The following ABCC11 variants were observed in gnomAD, a reference collection of about 807,000 sequenced individuals.
ABCC11 encodes the protein ATP-binding cassette sub-family C member 11.
A neutral mutation model predicts 149.3 loss-of-function variants in ABCC11; 135 were observed. The ratio of observed to expected loss-of-function variants is 0.90; its 90% CI spans 0.79 to 1.04. The LOEUF is 1.04. Ranked by LOEUF, ABCC11 falls within the 50% of genes least tolerant of loss-of-function variation. The pLI is 0.00. For synonymous variants in ABCC11, 665 were observed against 671.4 expected, an observed-to-expected ratio of 0.99 and a Z score of 0.15; for missense variants, 1,680 against 1,722.1, an observed-to-expected ratio of 0.98 and a Z score of 0.43.
At chr16:48,206,935 G>A (rs571445454) in intron 12 of ABCC11, among the ~76,000 whole-genome samples, 1 of 152,344 alleles carries the variant, frequency 6.6e-6, no homozygotes, top group Non-Finnish European at 1.5e-5. Flanking sequence ...AAGTACTGAA[G>A]CTAGTTTTAC....
At chr16:48,172,139 A>C (rs1011244628) in intron 26 of ABCC11, among the ~76,000 whole-genome samples, 1 of 152,172 alleles carries the variant, frequency 6.6e-6, no homozygotes, top group Non-Finnish European at 1.5e-5. Context: ...CTCATGTAGT[A>C]TGTGTCCTTC....
intron 23 of ABCC11, among the ~76,000 whole-genome samples, chr16:48,180,040 CATCCCTCAGTGT>C (rs1346137434): frequency 6.6e-6 from 1 of 152,186 alleles, no homozygotes; most frequent in Non-Finnish European, 1.5e-5. Context: ...CTTTTCCTCC[CATCCCTCAGTGT>C]ATCACACCCT....
chr16:48,175,179 C>T, intron 26 of ABCC11, 79 bp downstream of exon 26: 1 of 1,524,012 alleles, frequency 6.6e-7, no homozygotes, highest in Non-Finnish European at 8.9e-7. Flanking sequence ...TGGTCACCAG[C>T]TCACTATAGG....
At chr16:48,232,725 G>GTGC (rs1312795713) in intron 1 of ABCC11, among the ~76,000 whole-genome samples, 1 of 152,228 alleles carries the variant, frequency 6.6e-6, no homozygotes, top group Non-Finnish European at 1.5e-5. Flanking sequence ...GGTGCAGCCT[G>GTGC]TGCCCCCCAG....
Position 48,216,236 on chromosome 16 carries a change from A to G in ABCC11, c.829T>C (p.Tyr277His). The change falls in exon 7 of 30, where the codon TAT (tyrosine) becomes CAT (histidine). Residue 277 changes from tyrosine to histidine, a missense_variant. Coordinates refer to ENST00000356608, the MANE Select transcript of ABCC11 (RefSeq NM_001370497.1). ...DVNYLFEGVC[Y>H]GPLVLITCAS... ...CAGGTGATCAGTACTAGGGGTCCAT[A>G]GCACACCCCTTCAAACAGGTAGTTT... 3.7e-6 allele frequency: 6 copies of G among 1,614,096 alleles called. No homozygotes were observed. Among genetic ancestry groups the G allele is most frequent in the Non-Finnish European group, 5.1e-6 (6 of 1,179,970 alleles).
At chr16:48,245,692 T>TA (rs1436571726) in intron 1 of ABCC11, among the ~76,000 whole-genome samples, 1 of 152,256 alleles carries the variant, frequency 6.6e-6, no homozygotes, top group Non-Finnish European at 1.5e-5. Context: ...TTTTGATTAA[T>TA]ACATTTTATA....
chr16:48,169,302 AATCTC>A (rs1197913306), intron 28 of ABCC11, among the ~76,000 whole-genome samples: 62 of 152,180 alleles, frequency 4.1e-4, no homozygotes, highest in African/African-American at 1.4e-3. Flanking sequence ...CTAGGCTGTG[AATCTC>A]ATCTACCATG....
Position 48,175,262 on chromosome 16 carries a change from T to C in ABCC11, c.3694A>G (p.Ile1232Val), listed in dbSNP as rs1168617506. ...PQDPVLLSGT[I>V]RFNLDPFDRH... ...GCCTGCTGGCCCGGCACTCACCTGA[T>C]GGTTCCTGAGAGCAGCACTGGATCT... Residue 1232 changes from isoleucine (I) to valine (V), a missense_variant, in exon 26 of 30, where the codon ATC becomes GTC. By Grantham distance (29) the Ile-to-Val change is conservative (BLOSUM62 3). Transcript: ENST00000356608. 3.1e-6 allele frequency: 5 copies of C among 1,609,008 alleles called. No homozygotes were observed. The highest frequency in any genetic ancestry group is 1.7e-5 in the Admixed American group (1 of 59,912).
chr16:48,198,090 G>C, intron 16 of ABCC11, 23 bp from the exon 17 acceptor site: 1 of 1,614,162 alleles, frequency 6.2e-7, no homozygotes, highest in African/African-American at 1.3e-5. Flanking sequence ...CACAGGCCCT[G>C]AGTACACGTG....
intron 11 of ABCC11, chr16:48,210,021 T>C (rs1247252567): frequency 6.6e-6 from 1 of 151,612 alleles, no homozygotes; most frequent in Non-Finnish European, 1.5e-5. Context: ...GGGGCAGATG[T>C]GGAAGTCAAG....
At chr16:48,207,356 T>C (rs1019647747) in intron 12 of ABCC11, among the ~76,000 whole-genome samples, 6 of 151,952 alleles carry the variant, frequency 3.9e-5, no homozygotes, top group South Asian at 2.1e-4. Flanking sequence ...GGGGAATGGG[T>C]TTGGGGTTTT....
intron 1 of ABCC11, among the ~76,000 whole-genome samples, chr16:48,245,177 T>C (rs1056218048): frequency 6.6e-6 from 1 of 152,130 alleles, no homozygotes; most frequent in Non-Finnish European, 1.5e-5. Context: ...CTTCTCCTTC[T>C]CCCCCTAATC....
Position 48,205,459 on chromosome 16 carries a change from T to G in ABCC11, c.1759A>C (p.Asn587His). ...CCCATGAGGATGTTCTCCCTGATGT[T>G]CCCGCTGACGATCCAGGCCTGCTGG... ...VPQQAWIVSG[N>H]IRENILMGGA... The change falls in exon 13 of 30, where the codon AAC (asparagine) becomes CAC (histidine). Residue 587 changes from asparagine (N) to histidine (H), a missense_variant. By Grantham distance (68) the Asn-to-His change is moderately conservative. Coordinates refer to ENST00000356608, the MANE Select transcript of ABCC11 (RefSeq NM_001370497.1). 6.2e-7 allele frequency: 1 copy of G among 1,614,124 alleles called. No individual in the cohort carries two copies. Among genetic ancestry groups the G allele is most frequent in the East Asian group, 2.2e-5 (1 of 44,872 alleles).
At chr16:48,229,026 G>C (rs986523309) in intron 3 of ABCC11, among the ~76,000 whole-genome samples, 2 of 151,936 alleles carry the variant, frequency 1.3e-5, no homozygotes, top group African/African-American at 2.4e-5. Flanking sequence ...GATTTCTTTT[G>C]GGGGGTAGGG....
chr16:48,192,989 G>A (rs550071725), intron 19 of ABCC11, among the ~76,000 whole-genome samples: 17 of 152,308 alleles, frequency 1.1e-4, no homozygotes, highest in East Asian at 3.9e-4. Context: ...GCTTGGGAAC[G>A]TGATTTCCCA....
chr16:48,231,157 C>G (rs970656278), intron 2 of ABCC11, among the ~76,000 whole-genome samples: 2 of 151,782 alleles, frequency 1.3e-5, no homozygotes, highest in Non-Finnish European at 2.9e-5. Flanking sequence ...TGCCAAGGTC[C>G]AAGCTGATGT....
intron 23 of ABCC11, among the ~76,000 whole-genome samples, chr16:48,179,463 C>G (rs929788462): frequency 6.6e-6 from 1 of 152,228 alleles, no homozygotes; most frequent in Non-Finnish European, 1.5e-5. Context: ...CTCCATTACC[C>G]TGGCCCAAGA....
chr16:48,227,803 C>T lies in ABCC11; in HGVS notation c.395+3G>A. The T allele has an allele frequency of 6.2e-7, 1 of 1,614,056 alleles. No individual in the cohort carries two copies. The highest frequency in any genetic ancestry group is 1.1e-5 in the South Asian group (1 of 91,070). Reference sequence around the variant, plus strand: ...TCCACTGGTTTGCCCAGCGCAGCTTCACCTTTGGACATTTTTGTCTGAGGC... The same window carrying T: ...TCCACTGGTTTGCCCAGCGCAGCTTTACCTTTGGACATTTTTGTCTGAGGC... On this transcript the variant is annotated splice_donor_region_variant and intron_variant, in intron 4 of 29. Transcript: ENST00000356608.
At chr16:48,176,186 C>A (rs560119574) in intron 25 of ABCC11, 2 of 152,390 alleles carry the variant, frequency 1.3e-5, no homozygotes, top group Admixed American at 1.3e-4. Context: ...AAGCTCTTCA[C>A]CCTGCAGTGC....
Sources: allele counts gnomAD v4.1 joint callset (sites outside exome capture counted in the v4.1 genomes callset), GRCh38; gene constraint gnomAD v4.1.1; transcripts MANE v1.5; gene names NCBI Gene and HGNC (gene_info 2026-07-23, HGNC 2026-07-21).